Variants in MSRB3 observed in about 807,000 individuals in gnomAD.
The protein encoded by MSRB3 is methionine-R-sulfoxide reductase B3.
MSRB3 carries 13 observed loss-of-function variants against 21.0 expected under a neutral mutation model. The observed-to-expected ratio is 0.62, with a 90% confidence interval of 0.40 to 0.98. The LOEUF is 0.98. Among genes scored for constraint, MSRB3 ranks in the 50% least tolerant of loss-of-function variants. MSRB3 has a pLI of 0.00. For synonymous variants in MSRB3, 87 were observed against 88.6 expected, an observed-to-expected ratio of 0.98 and a Z score of 0.10; for missense variants, 199 against 230.3, an observed-to-expected ratio of 0.86 and a Z score of 0.88.
At chr12:65,347,371 A>T (rs1214392845) in intron 4 of MSRB3, among the ~76,000 whole-genome samples, 2 of 152,064 alleles carry the variant, frequency 1.3e-5, no homozygotes, top group African/African-American at 2.4e-5. Flanking sequence ...TTCACTCATG[A>T]TTTGGCTCTC....
At chr12:65,446,363 GT>G (rs1882617696) in intron 5 of MSRB3, among the ~76,000 whole-genome samples, 1 of 152,150 alleles carries the variant, frequency 6.6e-6, no homozygotes, top group African/African-American at 2.4e-5. Context: ...TAGCCACAGA[GT>G]TAAATCTGAG....
intron 5 of MSRB3, among the ~76,000 whole-genome samples, chr12:65,439,984 C>T (rs1882295536): frequency 6.6e-6 from 1 of 151,672 alleles, no homozygotes; most frequent in Non-Finnish European, 1.5e-5. Context: ...CCATAATAAA[C>T]TTACATTGGC....
chr12:65,428,837 A>G (rs553290838), intron 5 of MSRB3, among the ~76,000 whole-genome samples: 2 of 152,218 alleles, frequency 1.3e-5, no homozygotes, highest in East Asian at 3.9e-4. Flanking sequence ...TTGTGCTGTT[A>G]TTGTTGTTTC....
intron 5 of MSRB3, among the ~76,000 whole-genome samples, chr12:65,428,311 A>ATT (rs369232265): frequency 1.3e-5 from 2 of 148,202 alleles, no homozygotes; most frequent in African/African-American, 4.9e-5. Context: ...CTGTGTGTAT[A>ATT]TTTTTTTTTT....
chr12:65,405,683 T>C (rs1180912963), intron 5 of MSRB3, among the ~76,000 whole-genome samples: 2 of 152,108 alleles, frequency 1.3e-5, no homozygotes, highest in African/African-American at 4.8e-5. Flanking sequence ...CTGTAAGGTC[T>C]ATACTAATTC....
At chr12:65,384,458 A>G (rs1251089265) in intron 5 of MSRB3, among the ~76,000 whole-genome samples, 1 of 152,146 alleles carries the variant, frequency 6.6e-6, no homozygotes, top group African/African-American at 2.4e-5. Context: ...AAAATGTTTT[A>G]ATCTGTTTCA....
At chr12:65,286,478 ATTG>A (rs1351084768) in intron 1 of MSRB3, 3 of 152,298 alleles carry the variant, frequency 2.0e-5, no homozygotes, top group Non-Finnish European at 2.9e-5. Context: ...GTATATGAGC[ATTG>A]TTGTTGGGAC....
rs982013838 is a variant in MSRB3, at chr12:65,452,428, C to T, written c.293-1300C>T. ...ACCATTGTAAACCAAATATTATAGCCTAGAATATATTCAAATTCTCTTCAG... is the reference window on the plus strand; with the variant it reads ...ACCATTGTAAACCAAATATTATAGCTTAGAATATATTCAAATTCTCTTCAG... On this transcript the variant is annotated intron_variant, in intron 5 of 6. Transcript: ENST00000308259. Among the ~76,000 whole-genome samples, 3 of 152,076 alleles carry T rather than the reference C, an allele frequency of 2.0e-5. No homozygotes were observed. In the East Asian group the frequency reaches 5.8e-4, roughly 29 times the overall value.
At chr12:65,363,760 C>T (rs1052185797) in intron 4 of MSRB3, among the ~76,000 whole-genome samples, 6 of 151,886 alleles carry the variant, frequency 4.0e-5, no homozygotes, top group African/African-American at 1.2e-4. Context: ...ATGAGACAGG[C>T]GGATCACTTG....
At chr12:65,434,557 A>G (rs1239231685) in intron 5 of MSRB3, among the ~76,000 whole-genome samples, 1 of 151,910 alleles carries the variant, frequency 6.6e-6, no homozygotes, top group African/African-American at 2.4e-5. Flanking sequence ...TGGGACTTGA[A>G]AAAGATATTA....
intron 5 of MSRB3, among the ~76,000 whole-genome samples, chr12:65,393,076 T>C (rs1879570863): frequency 6.6e-6 from 1 of 152,150 alleles, no homozygotes; most frequent in Non-Finnish European, 1.5e-5. Flanking sequence ...TATTCCTTTC[T>C]ATTAAAAATA....
At chr12:65,452,608 A>C (rs549527520) in intron 5 of MSRB3, among the ~76,000 whole-genome samples, 1 of 152,120 alleles carries the variant, frequency 6.6e-6, no homozygotes, top group East Asian at 1.9e-4. Flanking sequence ...AGGTGTTAAC[A>C]CTCTTGGTGT....
At chr12:65,339,980 G>A (rs979911585) in intron 4 of MSRB3, among the ~76,000 whole-genome samples, 2 of 152,050 alleles carry the variant, frequency 1.3e-5, no homozygotes, top group African/African-American at 4.8e-5. Flanking sequence ...ACAAAGCCTG[G>A]CATTCATAAA....
chr12:65,300,590 A>G (rs896067161), intron 1 of MSRB3, among the ~76,000 whole-genome samples: 4 of 152,206 alleles, frequency 2.6e-5, no homozygotes, highest in African/African-American at 7.2e-5. Context: ...TTCTGGCTCC[A>G]TAATTTACTG....
chr12:65,344,272 G>A (rs1160818995), intron 4 of MSRB3: 1 of 151,908 alleles, frequency 6.6e-6, no homozygotes, highest in Non-Finnish European at 1.5e-5. Context: ...AGGTTTGTTT[G>A]TTTACTGCAT....
chr12:65,420,730 T>C (rs1248797638), intron 5 of MSRB3, among the ~76,000 whole-genome samples: 1 of 152,198 alleles, frequency 6.6e-6, no homozygotes, highest in Non-Finnish European at 1.5e-5. Context: ...CGTGCAGTAT[T>C]TGGTTTTCTG....
intron 4 of MSRB3, among the ~76,000 whole-genome samples, chr12:65,359,296 T>C (rs950818023): frequency 4.6e-5 from 7 of 152,006 alleles, no homozygotes; most frequent in African/African-American, 1.7e-4. Context: ...TCTGTATTGC[T>C]CTTGTCTGAG....
At chr12:65,327,085 T>C (rs550360952) in intron 3 of MSRB3, 151 bp downstream of exon 3, 3 of 666,026 alleles carry the variant, frequency 4.5e-6, no homozygotes, top group South Asian at 3.5e-5. Context: ...TAAAATGGTG[T>C]TGTTTAGGTT....
At chr12:65,378,508 GC>G (rs1322868027) in intron 5 of MSRB3, among the ~76,000 whole-genome samples, 3 of 152,162 alleles carry the variant, frequency 2.0e-5, no homozygotes, top group Admixed American at 6.5e-5. Context: ...GCCCAACTAT[GC>G]AAGCACATAA....
Sources: allele counts gnomAD v4.1 joint callset (sites outside exome capture counted in the v4.1 genomes callset), GRCh38; gene constraint gnomAD v4.1.1; transcripts MANE v1.5; gene names NCBI Gene and HGNC (gene_info 2026-07-23, HGNC 2026-07-21).